The following PRMT5 variants were observed in gnomAD, a reference collection of about 807,000 sequenced individuals.
PRMT5 encodes the protein protein arginine N-methyltransferase 5.
Under a neutral mutation model 84.0 loss-of-function variants are expected in PRMT5, and 15 were observed. The observed-to-expected ratio is 0.18, with a 90% CI of 0.12 to 0.28. The LOEUF (loss-of-function observed/expected upper bound fraction) is 0.28, where lower values mean the gene tolerates loss of function less well. PRMT5 is among the 10% of genes least tolerant of loss of function. PRMT5 has a pLI of 1.00. For missense variants in PRMT5, 486 were observed against 808.0 expected (o/e 0.60, Z 4.83); for synonymous variants, 276 against 292.4 (o/e 0.94, Z 0.57).
At chr14:22,922,151 A>T (rs771955782) in intron 16 of PRMT5, 25 bp downstream of exon 16, 2 of 1,527,988 alleles carry the variant, frequency 1.3e-6, no homozygotes, top group East Asian at 4.5e-5. Flanking sequence ...CTGCTTAACT[A>T]GAGAGTCTTA....
Position 22,920,645 on chromosome 14 carries a change from G to C in PRMT5, c.*259C>G. 1.5e-6 allele frequency: 1 copy of C among 683,728 alleles called. No homozygotes were observed. The highest frequency in any genetic ancestry group is 2.7e-6 in the Non-Finnish European group (1 of 364,738). 42.4% of individuals were successfully genotyped at this position (683,728 alleles called of 1,614,324 possible). ...CATGTTCTCAGGGATATTCCAGGGA[G>C]TTCTTGAGGCTGAGTGCGTAGCTTC... On this transcript the variant is annotated 3_prime_UTR_variant, in exon 17 of 17. Transcript: ENST00000324366.
chr14:22,923,147 G>A lies in PRMT5; in HGVS notation c.1389C>T (p.Ser463=), dbSNP rs1159580525. ...GAAAGGAAGTGTACTCCCCGGGGAT[G>A]CTCACACCATCATCTGCACAGCAGG... ...AQHFLKDDGV[S]IPGEYTSFLA... is the part of the protein sequence containing the mutation. Residue 463 remains serine (S), a synonymous_variant, in exon 13 of 17, where the codon AGC becomes AGT. Coordinates refer to ENST00000324366, the MANE Select transcript of PRMT5 (RefSeq NM_006109.5). This position sits in a 1 kb window ranked among gnomAD's most constrained non-coding sequence, Gnocchi z 5.2. 2 of 1,610,964 alleles carry A rather than the reference G, an allele frequency of 1.2e-6. No homozygotes were observed. The highest frequency in any genetic ancestry group is 2.7e-5 in the African/African-American group (2 of 74,842).
rs763819555 is a variant in PRMT5, at chr14:22,928,155, C to A, written c.286G>T (p.Val96Leu). 1.2e-6 allele frequency: 2 copies of A among 1,614,194 alleles called. No homozygotes were observed. Among genetic ancestry groups the A allele is most frequent in the Admixed American group, 1.7e-5 (1 of 60,014 alleles). The change falls in exon 3 of 17, where the codon GTG becomes TTG. Residue 96 changes from valine (V) to leucine (L), a missense_variant. Val to Leu is a conservative substitution (Grantham distance 32). Around this residue, in one of 4 missense-constraint regions of PRMT5, gnomAD observed 215 missense variants for 301.1 expected, o/e 0.71. Transcript: ENST00000324366. This position sits in a 1 kb window ranked among gnomAD's most constrained non-coding sequence, Gnocchi z 4.8. ...LSPWIRPDSK[V>L]EKIRRNSEAA... The stretch of plus-strand genomic sequence containing the variant: ...TCGGAGTTCCTGCGAATCTTCTCCA[C>A]TTTTGAGTCTGGACGAATCCATGGA...
chr14:22,920,831 G>A lies in PRMT5; in HGVS notation c.*73C>T. 5 of 1,589,986 alleles carry A rather than the reference G, an allele frequency of 3.1e-6. No individual in the cohort carries two copies. Among genetic ancestry groups the A allele is most frequent in the African/African-American group, 1.3e-5 (1 of 74,510 alleles). ...GCAAGGGGAATCACAGCCCATAGAT[G>A]TACTGCACCTTCTGTACTACAGGAG... On this transcript the variant is annotated 3_prime_UTR_variant, in exon 17 of 17. Coordinates refer to ENST00000324366, the MANE Select transcript of PRMT5 (RefSeq NM_006109.5).
rs754360452 is a variant in PRMT5, at chr14:22,926,846, T to C, written c.451-32A>G. The C allele has an allele frequency of 7.4e-6, 11 of 1,481,532 alleles. No homozygotes were observed. The East Asian group carries it at 2.5e-4, about 33-fold the overall frequency. 91.8% of individuals were successfully genotyped at this position (1,481,532 alleles called of 1,614,324 possible). ...ATGAACAGTCACCCTTTTAGAACTC[T>C]CTTTTGAACTCATTGGGTCCAGAAA... is the stretch of plus-strand genomic sequence containing the variant. On this transcript the variant is annotated intron_variant, in intron 4 of 16. Transcript: ENST00000324366.
In PRMT5 at chr14:22,928,359, G is replaced by A; in HGVS notation, c.229+138C>T. Reference sequence around the variant, plus strand: ...GGATAGCCTGATGCAGAATAGAGAAGCAAGGAGAAAACAAGTTATCTATAT... The same window carrying A: ...GGATAGCCTGATGCAGAATAGAGAAACAAGGAGAAAACAAGTTATCTATAT... On this transcript the variant is annotated intron_variant, in intron 2 of 16. Transcript: ENST00000324366. This position sits in a 1 kb window ranked among gnomAD's most constrained non-coding sequence, Gnocchi z 4.8. 8.7e-7 allele frequency: 1 copy of A among 1,147,584 alleles called. No homozygotes were observed. Among genetic ancestry groups the A allele is most frequent in the Non-Finnish European group, 1.3e-6 (1 of 774,664 alleles). The allele number at this position is 1,147,584 out of a possible 1,614,324, so 71.1% of individuals were successfully genotyped here.
In PRMT5 at chr14:22,924,855, C is replaced by T. The variant is rs1566633169; in HGVS notation, c.939+24G>A. 1 of 1,607,742 alleles carries T rather than the reference C, an allele frequency of 6.2e-7. No individual in the cohort carries two copies. The highest frequency in any genetic ancestry group is 1.1e-5 in the South Asian group (1 of 90,592). ...GAAACATTTTCCATCCCACCTTCCT[C>T]CTCTAAGTGCACTCCAGACCCACCT... On this transcript the variant is annotated intron_variant, in intron 8 of 16. Transcript: ENST00000324366. This position sits in a 1 kb window ranked among gnomAD's most constrained non-coding sequence, Gnocchi z 6.5.
chr14:22,927,388 C>A lies in PRMT5; in HGVS notation c.450+138G>T, dbSNP rs1208469664. On this transcript the variant is annotated intron_variant, in intron 4 of 16. Coordinates refer to ENST00000324366, the MANE Select transcript of PRMT5 (RefSeq NM_006109.5). ...CCTCCCAAAGTGCTGGGATTACAGGCATCACCCACTGTGCCCGCCAATACT... is the reference window on the plus strand; with the variant it reads ...CCTCCCAAAGTGCTGGGATTACAGGAATCACCCACTGTGCCCGCCAATACT... The A allele has an allele frequency of 5.0e-6, 6 of 1,194,654 alleles. No homozygotes were observed. The East Asian group carries it at 1.2e-4, about 25-fold the overall frequency. 74.0% of individuals were successfully genotyped at this position (1,194,654 alleles called of 1,614,324 possible). A position where few individuals can be genotyped will look rare whatever the true frequency, so the allele number is the denominator to read the frequency against.
In PRMT5 at chr14:22,926,782, C is replaced by T. The variant is rs201206132; in HGVS notation, c.483G>A (p.Glu161=). 3 of 1,614,024 alleles carry T rather than the reference C, an allele frequency of 1.9e-6. No individual in the cohort carries two copies. The South Asian group carries it at 3.3e-5, about 18-fold the overall frequency. ...TCTCAATTATATCATCTCTCAGGTC[C>T]TCTGGTGCCACCAAGGGTACCCGCA... ...FWMRVPLVAP[E]DLRDDIIENA... Residue 161 remains glutamate, a synonymous_variant, in exon 5 of 17, where the codon GAG becomes GAA. Coordinates refer to ENST00000324366, the MANE Select transcript of PRMT5 (RefSeq NM_006109.5).
At chr14:22,926,437 G>A (rs1056418344) in intron 6 of PRMT5, 69 bp downstream of exon 6, 19 of 1,597,930 alleles carry the variant, frequency 1.2e-5, no homozygotes, top group Non-Finnish European at 1.4e-5. Context: ...TACTATATAT[G>A]AAATTCCTGA....
chr14:22,928,310 A>C lies in PRMT5; in HGVS notation c.230-99T>G. ...GGAATCAAGAGTAGAAATGAGAGAC[A>C]AAGGTTTTTTCTACATAGACATGGG... is the stretch of plus-strand genomic sequence containing the variant. On this transcript the variant is annotated intron_variant, in intron 2 of 16. Coordinates refer to ENST00000324366, the MANE Select transcript of PRMT5 (RefSeq NM_006109.5). This position sits in a 1 kb window ranked among gnomAD's most constrained non-coding sequence, Gnocchi z 4.8. 1.4e-6 allele frequency: 2 copies of C among 1,391,638 alleles called. No individual in the cohort carries two copies. The highest frequency in any genetic ancestry group is 1.0e-6 in the Non-Finnish European group (1 of 987,570). 86.2% of individuals were successfully genotyped at this position (1,391,638 alleles called of 1,614,324 possible). A position where few individuals can be genotyped will look rare whatever the true frequency, so the allele number is the denominator to read the frequency against.
rs914021170 is a variant in PRMT5, at chr14:22,929,325, G to A, written c.37C>T (p.Arg13Cys). The A allele has an allele frequency of 4.3e-6, 7 of 1,611,954 alleles. No individual in the cohort carries two copies. The highest frequency in any genetic ancestry group is 2.2e-5 in the East Asian group (1 of 44,826). ...TTCAGGTCCCTCCCGCTGGACACGC[G>A]GCTCCCACCAGCACCCCCGACCGCC... is the stretch of plus-strand genomic sequence containing the variant. ...AMAVGGAGGS[R>C]VSSGRDLNCV... Residue 13 changes from arginine (R) to cysteine (C), a missense_variant, in exon 1 of 17, where the codon CGC becomes TGC. Coordinates refer to ENST00000324366, the MANE Select transcript of PRMT5 (RefSeq NM_006109.5).
intron 1 of PRMT5, 95 bp downstream of exon 1, chr14:22,929,157 A>C (rs2044492884): frequency 6.2e-7 from 1 of 1,611,886 alleles, no homozygotes; most frequent in African/African-American, 1.3e-5. Context: ...ATCCTAGCCG[A>C]CCCCCTCACC....
intron 6 of PRMT5, 44 bp downstream of exon 6, chr14:22,926,462 A>T (rs1255324033): frequency 6.2e-7 from 1 of 1,606,048 alleles, no homozygotes; most frequent in African/African-American, 1.3e-5. Context: ...TATTCACAGG[A>T]GGTAAGAGAA....
chr14:22,920,973 C>T lies in PRMT5; in HGVS notation c.1845G>A (p.Trp615Ter), dbSNP rs761635625. 1 of 1,614,194 alleles carries T rather than the reference C, an allele frequency of 6.2e-7. No individual in the cohort carries two copies. Among genetic ancestry groups the T allele is most frequent in the Non-Finnish European group, 8.5e-7 (1 of 1,180,046 alleles). The change falls in exon 17 of 17, where the codon TGG becomes TGA. Residue 615 changes from tryptophan (W) to a stop codon, truncating the protein, a stop_gained. Transcript: ENST00000324366. LOFTEE classifies it high-confidence loss of function. ...CSNSKKVWYE[W>*]AVTAPVCSAI... ...CAGAACAGACTGGTGCTGTCACAGCCCACTCATACCACACCTTCTTGGAAT... is the reference window on the plus strand; with the variant it reads ...CAGAACAGACTGGTGCTGTCACAGCTCACTCATACCACACCTTCTTGGAAT...
In PRMT5 at chr14:22,920,703, G is replaced by T; in HGVS notation, c.*201C>A. On this transcript the variant is annotated 3_prime_UTR_variant, in exon 17 of 17. Coordinates refer to ENST00000324366, the MANE Select transcript of PRMT5 (RefSeq NM_006109.5). ...GCACTAATTCCTCACCCCCTGGCCT[G>T]AGGTCTTCATAGATTGGTGGCTTGA... 1.3e-6 allele frequency: 1 copy of T among 785,336 alleles called. No individual in the cohort carries two copies. Among genetic ancestry groups the T allele is most frequent in the Non-Finnish European group, 2.2e-6 (1 of 448,750 alleles). 48.6% of individuals were successfully genotyped at this position (785,336 alleles called of 1,614,324 possible).
chr14:22,921,176 G>A (rs916928538), intron 16 of PRMT5, 120 bp from the exon 17 acceptor site: 66 of 1,230,136 alleles, frequency 5.4e-5, no homozygotes, highest in Non-Finnish European at 7.5e-5. Flanking sequence ...CCTCATGAAA[G>A]TTATTTGAAG....
chr14:22,926,610 C>T, intron 5 of PRMT5, 55 bp from the exon 6 acceptor site: 1 of 1,609,556 alleles, frequency 6.2e-7, no homozygotes, highest in Non-Finnish European at 8.5e-7. Context: ...GACCAATCAC[C>T]ACAGCTCAAG....
chr14:22,922,643 A>AAG, intron 14 of PRMT5, 84 bp from the exon 15 acceptor site: 1 of 1,509,880 alleles, frequency 6.6e-7, no homozygotes, highest in South Asian at 1.1e-5. Flanking sequence ...CAGGAAAGGA[A>AAG]GAGTAGATAA....
Sources: allele counts gnomAD v4.1 joint callset, GRCh38; gene constraint gnomAD v4.1.1; regional missense constraint gnomAD v4.1.1; non-coding constraint Gnocchi (gnomAD v3.1); transcripts MANE v1.5; gene names NCBI Gene and HGNC (gene_info 2026-07-23, HGNC 2026-07-21).